AGMO: variants seen among roughly 807,000 people sequenced by gnomAD.
AGMO encodes alkylglycerol monooxygenase, also known as glyceryl-ether monooxygenase.
A neutral mutation model predicts 60.2 loss-of-function variants in AGMO; 75 were observed. The ratio of observed to expected loss-of-function variants is 1.25; its 90% CI spans 1.03 to 1.51. The LOEUF is 1.51. AGMO is among the 40% of genes most tolerant of loss of function. The pLI is 0.00. For missense variants in AGMO, 763 were observed against 525.5 expected (o/e 1.45, Z -4.42); for synonymous variants, 261 against 177.1 (o/e 1.47, Z -3.76).
chr7:15,269,699 A>G (rs941385240), intron 12 of AGMO, among the ~76,000 whole-genome samples: 1 of 152,036 alleles, frequency 6.6e-6, no homozygotes, highest in African/African-American at 2.4e-5. Context: ...CTTCTAGTGT[A>G]TCCGTCAGCC....
chr7:15,340,059 T>C (rs1219015210), intron 12 of AGMO, among the ~76,000 whole-genome samples: 1 of 152,196 alleles, frequency 6.6e-6, no homozygotes, highest in Non-Finnish European at 1.5e-5. Flanking sequence ...TAGAAGTGCT[T>C]AGAAGTTTCC....
chr7:15,496,839 TC>T (rs1783246815), intron 3 of AGMO, among the ~76,000 whole-genome samples: 1 of 152,160 alleles, frequency 6.6e-6, no homozygotes, highest in Admixed American at 6.5e-5. Context: ...ATTCATTTGT[TC>T]CCTGTCATTT....
chr7:15,137,951 C>A, the AGMO span, among the ~76,000 whole-genome samples: 1 of 152,082 alleles, frequency 6.6e-6, no homozygotes, highest in Non-Finnish European at 1.5e-5. Context: ...CGGCAGTCTC[C>A]TCATCACTTC....
intron 12 of AGMO, among the ~76,000 whole-genome samples, chr7:15,351,780 G>A (rs769943763): frequency 2.6e-5 from 4 of 151,986 alleles, no homozygotes; most frequent in Admixed American, 6.6e-5. Flanking sequence ...CAAAGTATAC[G>A]GCTAGAGATA....
chr7:15,201,930 G>A (rs187401759), intron 12 of AGMO, among the ~76,000 whole-genome samples: 4 of 152,198 alleles, frequency 2.6e-5, no homozygotes, highest in Admixed American at 2.6e-4. Context: ...ATCATATTAA[G>A]CAGCCTGAAA....
At chr7:15,336,255 A>G (rs952722528) in intron 12 of AGMO, among the ~76,000 whole-genome samples, 8 of 152,028 alleles carry the variant, frequency 5.3e-5, no homozygotes, top group African/African-American at 1.9e-4. Flanking sequence ...CAAAAAAAAA[A>G]TTATGCTCTT....
Position 15,414,824 on chromosome 7 carries a change from G to C in AGMO, c.609+3734C>G, listed in dbSNP as rs151137453. 2.3e-4 allele frequency among the ~76,000 whole-genome samples: 35 copies of C among 152,288 alleles called. No individual in the cohort carries two copies. In the East Asian group the frequency reaches 3.5e-3, roughly 15 times the overall value. On this transcript the variant is annotated intron_variant, in intron 5 of 12. Coordinates refer to ENST00000342526, the MANE Select transcript of AGMO (RefSeq NM_001004320.2). ...AATACATCAATGAAAGTGAGTATGA[G>C]TCTAAAAATAAATACAAACATATGT...
chr7:15,253,467 A>G (rs1583331231), intron 12 of AGMO, among the ~76,000 whole-genome samples: 1 of 152,288 alleles, frequency 6.6e-6, no homozygotes, highest in East Asian at 1.9e-4. Context: ...ATGGATGGGA[A>G]GAAGAGAATG....
intron 12 of AGMO, among the ~76,000 whole-genome samples, chr7:15,301,618 G>A (rs565871395): frequency 2.0e-5 from 3 of 152,052 alleles, no homozygotes; most frequent in Admixed American, 6.6e-5. Flanking sequence ...CAAAAGCATA[G>A]GAATGCTAAA....
the AGMO span, among the ~76,000 whole-genome samples, chr7:15,184,336 A>G: frequency 1.0e-5 from 1 of 98,122 alleles, no homozygotes; most frequent in African/African-American, 4.3e-5. Context: ...GGAGGAAGGA[A>G]GGAAGGAAAG....
Position 15,561,938 on chromosome 7 carries a change from A to T in AGMO, c.-93T>A. ...AAAGAGGACGAGATGTGCAGCTCAG[A>T]ACAAGCTCTTTGTCAGAGAACAGCT... On this transcript the variant is annotated 5_prime_UTR_variant, in exon 1 of 13. Coordinates refer to ENST00000342526, the MANE Select transcript of AGMO (RefSeq NM_001004320.2). The T allele has an allele frequency of 1.5e-6, 2 of 1,349,324 alleles. No homozygotes were observed. Among genetic ancestry groups the T allele is most frequent in the Non-Finnish European group, 2.0e-6 (2 of 1,002,156 alleles). 83.6% of individuals were successfully genotyped at this position (1,349,324 alleles called of 1,614,324 possible).
chr7:15,130,977 T>G, the AGMO span, among the ~76,000 whole-genome samples: 1 of 152,198 alleles, frequency 6.6e-6, no homozygotes, highest in Non-Finnish European at 1.5e-5. Context: ...CAGAATAATT[T>G]ATTAAGCTTC....
At chr7:15,237,153 T>G (rs984831516) in intron 12 of AGMO, among the ~76,000 whole-genome samples, 1 of 152,048 alleles carries the variant, frequency 6.6e-6, no homozygotes, top group Non-Finnish European at 1.5e-5. Flanking sequence ...TGTGCATATA[T>G]TCACACCAGA....
intron 12 of AGMO, among the ~76,000 whole-genome samples, chr7:15,296,155 T>C (rs1784399157): frequency 6.6e-6 from 1 of 152,170 alleles, no homozygotes; most frequent in Admixed American, 6.6e-5. Context: ...AATGGGACTA[T>C]ACAATCACTA....
At chr7:15,264,088 T>TA (rs1248789541) in intron 12 of AGMO, among the ~76,000 whole-genome samples, 4 of 151,500 alleles carry the variant, frequency 2.6e-5, no homozygotes, top group African/African-American at 9.7e-5. Flanking sequence ...TTTATAAAAA[T>TA]AAAAAAATTA....
chr7:15,412,236 G>C (rs56921886), intron 5 of AGMO, among the ~76,000 whole-genome samples: 1,985 of 151,974 alleles, frequency 0.013, 34 homozygotes, highest in African/African-American at 0.046. Flanking sequence ...TACTATTTAG[G>C]TATCTCATAA....
intron 3 of AGMO, among the ~76,000 whole-genome samples, chr7:15,529,256 C>A (rs995029152): frequency 2.6e-5 from 4 of 151,342 alleles, no homozygotes; most frequent in Non-Finnish European, 5.9e-5. Flanking sequence ...GGTTATATTT[C>A]AACATACATG....
chr7:15,360,832 G>A (rs745723028), intron 12 of AGMO, among the ~76,000 whole-genome samples: 6 of 152,122 alleles, frequency 3.9e-5, no homozygotes, highest in Admixed American at 6.6e-5. Context: ...GCAGTTCTGA[G>A]ATTAATAAAG....
At chr7:15,372,596 T>C (rs764465753) in intron 10 of AGMO, among the ~76,000 whole-genome samples, 6 of 152,098 alleles carry the variant, frequency 3.9e-5, no homozygotes, top group South Asian at 2.1e-4. Flanking sequence ...CCTTAGTATT[T>C]GCCCGTAAGA....
Sources: gnomAD v4.1 joint callset for allele counts (sites outside exome capture counted in the v4.1 genomes callset) on GRCh38, gnomAD v4.1.1 for gene constraint, MANE v1.5 for transcripts, NCBI Gene and HGNC (gene_info 2026-07-23, HGNC 2026-07-21) for gene names.